The following COL23A1 variants were observed in gnomAD, a reference collection of about 807,000 sequenced individuals.
The protein encoded by COL23A1 is collagen alpha-1(XXIII) chain.
COL23A1 carries 97 observed loss-of-function variants against 99.3 expected under a neutral mutation model. The observed-to-expected ratio is 0.98, with a 90% confidence interval of 0.83 to 1.16. COL23A1 has a LOEUF of 1.16. COL23A1 is among the 50% of genes most tolerant of loss of function. The pLI is 0.00. For missense variants in COL23A1, 762 were observed against 757.4 expected, an observed-to-expected ratio of 1.01 and a Z score of -0.07; for synonymous variants, 320 against 308.2, an observed-to-expected ratio of 1.04 and a Z score of -0.40.
chr5:178,535,409 G>A (rs1436761293), intron 2 of COL23A1, among the ~76,000 whole-genome samples: 1 of 152,260 alleles, frequency 6.6e-6, no homozygotes, highest in Admixed American at 6.5e-5. Context: ...CTCCGTGGGT[G>A]TGGGCAAGGC....
At chr5:178,470,187 G>A (rs1190096594) in intron 2 of COL23A1, among the ~76,000 whole-genome samples, 4 of 152,322 alleles carry the variant, frequency 2.6e-5, no homozygotes, top group Admixed American at 2.6e-4. Context: ...AACACCTGGT[G>A]CAGCTCTTCC....
intron 2 of COL23A1, among the ~76,000 whole-genome samples, chr5:178,501,979 G>A (rs950957188): frequency 6.6e-6 from 1 of 152,216 alleles, no homozygotes; most frequent in East Asian, 1.9e-4. Context: ...GCACTAAGAA[G>A]GTGTCAATAG....
intron 5 of COL23A1, among the ~76,000 whole-genome samples, chr5:178,287,087 A>G (rs910915607): frequency 1.3e-5 from 2 of 152,214 alleles, no homozygotes; most frequent in Non-Finnish European, 1.5e-5. Flanking sequence ...AAGATGCTGG[A>G]CGCCCAAAGG....
intron 2 of COL23A1, among the ~76,000 whole-genome samples, chr5:178,437,598 G>A (rs1766630145): frequency 6.6e-6 from 1 of 152,188 alleles, no homozygotes; most frequent in Admixed American, 6.5e-5. Flanking sequence ...GGTCAGTCCA[G>A]CCTCTGAGCA....
At chr5:178,324,132 T>C (rs1759504289) in intron 2 of COL23A1, among the ~76,000 whole-genome samples, 2 of 151,938 alleles carry the variant, frequency 1.3e-5, no homozygotes. Context: ...GTGGGTGGGC[T>C]GAGGCCCTTT....
At chr5:178,563,260 G>A (rs567248517) in intron 1 of COL23A1, among the ~76,000 whole-genome samples, 47 of 152,218 alleles carry the variant, frequency 3.1e-4, no homozygotes, top group Middle Eastern at 6.8e-3. Flanking sequence ...GGATGGAGCT[G>A]CCCAGCTGTC....
intron 2 of COL23A1, among the ~76,000 whole-genome samples, chr5:178,316,615 G>C (rs1758996364): frequency 6.6e-6 from 1 of 152,086 alleles, no homozygotes; most frequent in African/African-American, 2.4e-5. Context: ...ATGGAGTAAA[G>C]CATGAATACA....
chr5:178,488,778 C>T (rs562263768), intron 2 of COL23A1, among the ~76,000 whole-genome samples: 102 of 151,884 alleles, frequency 6.7e-4, no homozygotes, highest in South Asian at 2.5e-3. Flanking sequence ...AGGCACCAGA[C>T]GAGAGTTCTG....
At chr5:178,386,164 C>T (rs4976771) in intron 2 of COL23A1, among the ~76,000 whole-genome samples, 54,332 of 152,054 alleles carry the variant, frequency 0.36, 11,200 homozygotes, top group South Asian at 0.52. Flanking sequence ...ATAGGCCAGG[C>T]GCCGTGGCTC....
chr5:178,343,336 C>A (rs1760775102), intron 2 of COL23A1, among the ~76,000 whole-genome samples: 1 of 152,142 alleles, frequency 6.6e-6, no homozygotes, highest in Admixed American at 6.5e-5. Context: ...CACGAGGGAG[C>A]AGTCATGTGA....
chr5:178,552,416 T>C (rs1480510907), intron 2 of COL23A1, among the ~76,000 whole-genome samples: 1 of 152,188 alleles, frequency 6.6e-6, no homozygotes. Flanking sequence ...CTCCTTTCAC[T>C]TGGCAGAGTC....
chr5:178,353,913 C>T (rs1356063990), intron 2 of COL23A1, among the ~76,000 whole-genome samples: 1 of 150,176 alleles, frequency 6.7e-6, no homozygotes, highest in Non-Finnish European at 1.5e-5. Flanking sequence ...AGAGACAAAA[C>T]TGTGTATGTT....
intron 2 of COL23A1, among the ~76,000 whole-genome samples, chr5:178,503,064 T>C (rs1758662865): frequency 6.6e-6 from 1 of 152,020 alleles, no homozygotes; most frequent in Non-Finnish European, 1.5e-5. Flanking sequence ...GGAGAGAAAG[T>C]GGAGGAAAGA....
intron 5 of COL23A1, among the ~76,000 whole-genome samples, chr5:178,276,286 G>A (rs1479706535): frequency 1.4e-5 from 2 of 145,608 alleles, no homozygotes; most frequent in Non-Finnish European, 1.5e-5. Context: ...TAAACTGGCC[G>A]CGTTTAGAAG....
chr5:178,488,071 G>T (rs186157449), intron 2 of COL23A1, among the ~76,000 whole-genome samples: 103 of 152,300 alleles, frequency 6.8e-4, no homozygotes, highest in African/African-American at 2.4e-3. Flanking sequence ...TGAGAATAAT[G>T]CATTAAGCCC....
chr5:178,264,158 G>A (rs1311859769), intron 8 of COL23A1, among the ~76,000 whole-genome samples: 4 of 152,068 alleles, frequency 2.6e-5, no homozygotes, highest in Admixed American at 6.6e-5. Flanking sequence ...ACACAAACGA[G>A]TGTGTGTACA....
At chr5:178,241,444 CAG>C (rs904960383) in intron 27 of COL23A1, among the ~76,000 whole-genome samples, 2 of 152,052 alleles carry the variant, frequency 1.3e-5, no homozygotes, top group African/African-American at 4.8e-5. Flanking sequence ...CACAGCCAGC[CAG>C]AGAGGTCAGG....
At chr5:178,523,179 C>CATATATATATATATATAT (rs1562051614) in intron 2 of COL23A1, among the ~76,000 whole-genome samples, 4 of 53,100 alleles carry the variant, frequency 7.5e-5, no homozygotes, top group African/African-American at 2.3e-4. Flanking sequence ...TATATATATA[C>CATATATATATATATATAT]ACATATATAT....
chr5:178,255,892 A>G lies in COL23A1; in HGVS notation c.882+461T>C. ...AGGCCAGGATCCCGGACGTCACCCT[A>G]AAGGTAAGGTATGTTGATAGGGGCT... On this transcript the variant is annotated intron_variant, in intron 15 of 28. Coordinates refer to ENST00000390654, the MANE Select transcript of COL23A1 (RefSeq NM_173465.4). The surrounding 1 kb of genome is among the most constrained non-coding windows in gnomAD (Gnocchi z 4.2). 1 of 375,356 alleles carries G rather than the reference A, an allele frequency of 2.7e-6. No homozygotes were observed. Among genetic ancestry groups the G allele is most frequent in the South Asian group, 1.9e-5 (1 of 52,558 alleles). The allele number at this position is 375,356 out of a possible 1,614,324, so 23.3% of individuals were successfully genotyped here.
Sources: allele counts gnomAD v4.1 joint callset (sites outside exome capture counted in the v4.1 genomes callset), GRCh38; gene constraint gnomAD v4.1.1; non-coding constraint Gnocchi (gnomAD v3.1); transcripts MANE v1.5; gene names NCBI Gene and HGNC (gene_info 2026-07-23, HGNC 2026-07-21).